UBAP2: variants seen among roughly 807,000 people sequenced by gnomAD.
UBAP2 encodes ubiquitin associated protein 2.
In UBAP2, 75 loss-of-function variants were observed where a neutral mutation model predicts 139.6. The observed-to-expected ratio is 0.54, with a 90% confidence interval of 0.45 to 0.65. The LOEUF (loss-of-function observed/expected upper bound fraction) is 0.65. Ranked by LOEUF, UBAP2 falls within the 30% of genes least tolerant of loss-of-function variation. UBAP2 has a pLI of 0.00. For missense variants in UBAP2, 1,368 were observed against 1,369.6 expected (o/e 1.00, Z 0.02); for synonymous variants, 526 against 526.2 (o/e 1.00, Z 0.01).
rs148270408 is a variant in UBAP2, at chr9:33,927,814, G to A, written c.2354C>T (p.Ala785Val). 6.4e-5 allele frequency: 104 copies of A among 1,612,624 alleles called. No homozygotes were observed. Among genetic ancestry groups the A allele is most frequent in the South Asian group, 5.7e-4 (52 of 90,926 alleles). The change falls in exon 20 of 29, where the codon GCG becomes GTG. Residue 785 changes from alanine to valine, a missense_variant. Coordinates refer to ENST00000379238, the MANE Select transcript of UBAP2 (RefSeq NM_001370062.2). The stretch of plus-strand genomic sequence containing the variant: ...GCAAATACCTGAGGTCACCAAGGGC[G>A]CGGCCCTGCTACTGCTGCTGGATGC... ...ASASSSSSRA[A>V]PLVTSGKAPP...
rs1823024666 is a variant in UBAP2, at chr9:33,922,779, C to T, written c.3172G>A (p.Gly1058Ser). Residue 1058 changes from glycine (G) to serine (S), a missense_variant, in exon 28 of 29, where the codon GGC (glycine) becomes AGC (serine). By Grantham distance (56) the Gly-to-Ser change is moderately conservative. Transcript: ENST00000379238. ...TGPLASGAAP[G>S]YAPPPFLHIL... ...TGTAGGAATGGTGGGGGTGCATAGC[C>T]AGGGGCCGCTCCCGAGGCCAGGGGC... The T allele has an allele frequency of 2.6e-6, 4 of 1,560,776 alleles. No individual in the cohort carries two copies. Among genetic ancestry groups the T allele is most frequent in the Non-Finnish European group, 3.5e-6 (4 of 1,153,268 alleles).
chr9:34,003,968 C>T (rs947486031), intron 2 of UBAP2, among the ~76,000 whole-genome samples: 1 of 152,172 alleles, frequency 6.6e-6, no homozygotes, highest in Middle Eastern at 3.4e-3. Flanking sequence ...GATCCGCCCA[C>T]CTCGGCCTCC....
intron 8 of UBAP2, among the ~76,000 whole-genome samples, chr9:33,969,872 C>G (rs1241692739): frequency 6.7e-6 from 1 of 149,730 alleles, no homozygotes; most frequent in Non-Finnish European, 1.5e-5. Context: ...AAACACCCCC[C>G]CACCCCCAAA....
rs1426190095 is a variant in UBAP2, at chr9:33,943,492, G to A, written c.1643C>T (p.Ser548Phe). The change falls in exon 15 of 29, where the codon TCT (serine) becomes TTT (phenylalanine). Residue 548 changes from serine to phenylalanine, a missense_variant. Physicochemically the swap from Ser to Phe is radical, Grantham distance 155. Transcript: ENST00000379238. ...ACTGCTTGGAGCTGATCCAAATTCAGAGAGAGAAGGTTCTGACCCAAATTC... is the reference window on the plus strand; with the variant it reads ...ACTGCTTGGAGCTGATCCAAATTCAAAGAGAGAAGGTTCTGACCCAAATTC... ...ALEFGSEPSL[S>F]EFGSAPSSEN... The A allele has an allele frequency of 6.2e-7, 1 of 1,614,098 alleles. No homozygotes were observed. The highest frequency in any genetic ancestry group is 2.2e-5 in the East Asian group (1 of 44,900).
intron 6 of UBAP2, among the ~76,000 whole-genome samples, chr9:33,981,096 TA>T (rs1820644736): frequency 1.4e-4 from 1 of 7,386 alleles, no homozygotes; most frequent in African/African-American, 3.6e-4. Flanking sequence ...TATATATATA[TA>T]TTCTGGATAT....
At chr9:33,953,592 T>C (rs1021014757) in intron 11 of UBAP2, 118 bp from the exon 12 acceptor site, 3 of 1,096,166 alleles carry the variant, frequency 2.7e-6, no homozygotes, top group Middle Eastern at 3.1e-4. Context: ...GGAGAACCTT[T>C]GGAAAATGGG....
chr9:33,976,373 C>A (rs768183693), intron 6 of UBAP2, among the ~76,000 whole-genome samples: 21 of 152,196 alleles, frequency 1.4e-4, no homozygotes, highest in Non-Finnish European at 2.2e-4. Flanking sequence ...TAAGTTAATC[C>A]CTTCAGGGTA....
At chr9:33,954,042 G>A (rs971917800) in intron 11 of UBAP2, among the ~76,000 whole-genome samples, 3 of 152,024 alleles carry the variant, frequency 2.0e-5, no homozygotes, top group Admixed American at 6.6e-5. Context: ...GAGTAGCTGG[G>A]ATTACAGGCG....
intron 1 of UBAP2, among the ~76,000 whole-genome samples, chr9:34,035,514 A>AAAAAAAAAATATATATATATAT: frequency 5.8e-4 from 13 of 22,482 alleles, no homozygotes; most frequent in East Asian, 5.4e-3. Context: ...AAAAAAAAAA[A>AAAAAAAAAATATATATATATAT]ATATATATAT....
At chr9:34,040,085 G>C (rs1400282260) in intron 1 of UBAP2, among the ~76,000 whole-genome samples, 1 of 151,812 alleles carries the variant, frequency 6.6e-6, no homozygotes, top group African/African-American at 2.4e-5. Context: ...CTTGAACCCA[G>C]GAGGCGGAGG....
chr9:34,035,514 A>AATAT (rs1554692782), intron 1 of UBAP2, among the ~76,000 whole-genome samples: 1 of 22,492 alleles, frequency 4.4e-5, no homozygotes, highest in African/African-American at 1.3e-4. Flanking sequence ...AAAAAAAAAA[A>AATAT]ATATATATAT....
intron 24 of UBAP2, 150 bp from the exon 25 acceptor site, chr9:33,923,628 C>T: frequency 1.9e-6 from 2 of 1,063,280 alleles, no homozygotes; most frequent in Admixed American, 1.8e-5. Context: ...TGGATCTAAA[C>T]ACAGCAGGGG....
chr9:33,946,077 T>C (rs769800937), intron 13 of UBAP2, among the ~76,000 whole-genome samples: 20 of 152,210 alleles, frequency 1.3e-4, no homozygotes, highest in African/African-American at 4.3e-4. Flanking sequence ...CCTGGTTTAA[T>C]TGGTGGAAAA....
rs1005633804 is a variant in UBAP2, at chr9:33,923,578, A to G, written c.2797-100T>C. On this transcript the variant is annotated intron_variant, in intron 24 of 28. Transcript: ENST00000379238. ...CTAAGGCAGCAGGTGACATACCCAC[A>G]ACCACAGGGGACCTGTGTTTTCATT... 68 of 1,230,148 alleles carry G rather than the reference A, an allele frequency of 5.5e-5. 1 individual carries two copies. Among genetic ancestry groups the G allele is most frequent in the Non-Finnish European group, 1.9e-5 (16 of 835,498 alleles). 76.2% of individuals were successfully genotyped at this position (1,230,148 alleles called of 1,614,324 possible).
rs761523608 is a variant in UBAP2, at chr9:33,923,998, C to T, written c.2593G>A (p.Asp865Asn). The change falls in exon 24 of 29, where the codon GAT becomes AAT. Residue 865 changes from aspartate (D) to asparagine (N), a missense_variant and splice_region_variant. By Grantham distance (23) the Asp-to-Asn change is conservative (BLOSUM62 1). Coordinates refer to ENST00000379238, the MANE Select transcript of UBAP2 (RefSeq NM_001370062.2). ...TCCCCACGGCCAAACTTTGTGACAT[C>T]ACCTAGGAAAGAGCACTGACTCCAG... is the stretch of plus-strand genomic sequence containing the variant. The part of the protein sequence containing the change: ...GSLANNPYPG[D>N]VTKFGRGDSA... The T allele has an allele frequency of 5.6e-6, 9 of 1,613,530 alleles. No homozygotes were observed. The highest frequency in any genetic ancestry group is 7.6e-6 in the Non-Finnish European group (9 of 1,180,024).
chr9:33,932,572 G>T lies in UBAP2; in HGVS notation c.2165C>A (p.Thr722Lys), dbSNP rs535100718. The T allele has an allele frequency of 6.2e-7, 1 of 1,613,900 alleles. No individual in the cohort carries two copies. Among genetic ancestry groups the T allele is most frequent in the Admixed American group, 1.7e-5 (1 of 60,010 alleles). Residue 722 changes from threonine (T) to lysine (K), a missense_variant, in exon 19 of 29, where the codon ACG becomes AAG. Coordinates refer to ENST00000379238, the MANE Select transcript of UBAP2 (RefSeq NM_001370062.2). ...CGCGCAGACACTTACTGTGTGTGACGTGCTCGAGGAGAGGGCTGCATGTGC... is the reference window on the plus strand; with the variant it reads ...CGCGCAGACACTTACTGTGTGTGACTTGCTCGAGGAGAGGGCTGCATGTGC... Reference protein sequence around the residue: ...LSAHAALSSSTSHTHASVESA... With the variant: ...LSAHAALSSSKSHTHASVESA...
chr9:33,931,268 A>G (rs1187638083), intron 19 of UBAP2, among the ~76,000 whole-genome samples: 3 of 152,218 alleles, frequency 2.0e-5, no homozygotes, highest in Admixed American at 6.5e-5. Context: ...TGGTGTATGC[A>G]GTGGTCCTGG....
Position 33,922,726 on chromosome 9 carries a change from G to A in UBAP2, c.3225C>T (p.His1075=). The change falls in exon 28 of 29, where the codon CAC becomes CAT. Residue 1075 remains histidine (H), a synonymous_variant. Transcript: ENST00000379238. ...LHILPAHQQP[H]SQLLHHHLPQ... ...GAAGGTGGTGGTGCAGCAGCTGTGA[G>A]TGGGGCTGCTGGTGGGCTGGCAAGA... 1 of 1,552,276 alleles carries A rather than the reference G, an allele frequency of 6.4e-7. No homozygotes were observed.
At chr9:33,929,172 G>A (rs1216536437) in intron 19 of UBAP2, among the ~76,000 whole-genome samples, 1 of 152,202 alleles carries the variant, frequency 6.6e-6, no homozygotes, top group Non-Finnish European at 1.5e-5. Flanking sequence ...CAGAAATCTG[G>A]AGCAGCTCTG....
Sources: allele counts gnomAD v4.1 joint callset (sites outside exome capture counted in the v4.1 genomes callset), GRCh38; gene constraint gnomAD v4.1.1; transcripts MANE v1.5; gene names NCBI Gene and HGNC (gene_info 2026-07-23, HGNC 2026-07-21).